The following NEDD4 variants were observed in gnomAD, a reference collection of about 807,000 sequenced individuals.
NEDD4 encodes the protein NEDD4 E3 ubiquitin protein ligase, also known as E3 ubiquitin-protein ligase NEDD4.
In NEDD4, 99 loss-of-function variants were observed where a neutral mutation model predicts 144.9. The observed-to-expected ratio is 0.68, with a 90% CI of 0.58 to 0.81. The LOEUF is 0.81. Among genes scored for constraint, NEDD4 ranks in the 30% least tolerant of loss-of-function variants. The pLI is 0.00. For synonymous variants in NEDD4, 318 were observed against 350.6 expected (o/e 0.91, Z 1.04); for missense variants, 985 against 1,065.9 (o/e 0.92, Z 1.06).
chr15:55,935,771 CG>C (rs1416125807), intron 4 of NEDD4, among the ~76,000 whole-genome samples: 1 of 145,968 alleles, frequency 6.9e-6, no homozygotes, highest in Admixed American at 7.2e-5. Context: ...CATTTGAATC[CG>C]GGAGGCAGAG....
At chr15:55,877,006 A>G (rs1661130763) in intron 5 of NEDD4, among the ~76,000 whole-genome samples, 1 of 152,094 alleles carries the variant, frequency 6.6e-6, no homozygotes, top group Admixed American at 6.6e-5. Context: ...TGCCCAGCCA[A>G]CTTCTCATTT....
At chr15:55,903,972 C>T (rs757531507) in intron 5 of NEDD4, among the ~76,000 whole-genome samples, 4 of 151,270 alleles carry the variant, frequency 2.6e-5, no homozygotes, top group Admixed American at 6.6e-5. Context: ...CCAGCCTGGC[C>T]AACACGGTGA....
At chr15:55,923,684 T>G (rs2036612322) in intron 5 of NEDD4, among the ~76,000 whole-genome samples, 1 of 149,804 alleles carries the variant, frequency 6.7e-6, no homozygotes, top group South Asian at 2.1e-4. Flanking sequence ...AGCAAGTCAG[T>G]GATAGTCTTC....
At chr15:55,917,249 C>CA in intron 5 of NEDD4, 3 of 733,040 alleles carry the variant, frequency 4.1e-6, no homozygotes. Context: ...TTTTTTCACC[C>CA]CAGCTCTACT....
At chr15:55,929,397 G>T (rs2036737004) in intron 4 of NEDD4, among the ~76,000 whole-genome samples, 1 of 152,052 alleles carries the variant, frequency 6.6e-6, no homozygotes, top group South Asian at 2.1e-4. Flanking sequence ...GATAAACTGT[G>T]TGGTATGGGT....
chr15:55,911,533 A>T (rs567900675), intron 5 of NEDD4, among the ~76,000 whole-genome samples: 64 of 149,514 alleles, frequency 4.3e-4, no homozygotes, highest in Middle Eastern at 3.4e-3. Context: ...ACTGAAAAAA[A>T]ATTTTTTTTT....
At chr15:55,985,039 G>C (rs1418835077) in intron 1 of NEDD4, among the ~76,000 whole-genome samples, 1 of 152,150 alleles carries the variant, frequency 6.6e-6, no homozygotes, top group African/African-American at 2.4e-5. Context: ...TAAATATCCT[G>C]CTCTGACTGA....
Position 55,830,547 on chromosome 15 carries a change from C to T in NEDD4, c.2567G>A (p.Gly856Asp), listed in dbSNP as rs1157715706. The change falls in exon 28 of 29, where the codon GGT becomes GAT. Residue 856 changes from glycine to aspartate, a missense_variant. Gly to Asp is a moderately conservative substitution (Grantham distance 94). Coordinates refer to ENST00000435532, the MANE Select transcript of NEDD4 (RefSeq NM_006154.4). ...AGCTCTTGGCAGCTTTTCAGGAGTA[C>T]CCCACTGTTCAACTGTAAATGACTG... ...GPQSFTVEQWGTPEKLPRAHT... is the reference protein window; with the variant it reads ...GPQSFTVEQWDTPEKLPRAHT... 1.9e-6 allele frequency: 3 copies of T among 1,614,050 alleles called. No homozygotes were observed. Among genetic ancestry groups the T allele is most frequent in the Middle Eastern group, 1.6e-4 (1 of 6,062 alleles).
rs747672661 is a variant in NEDD4 at position 55,955,309 on chromosome 15, C to A, written c.120-3720G>T. Among the ~76,000 whole-genome samples the A allele has an allele frequency of 3.9e-5, 6 of 152,178 alleles. No homozygotes were observed. The South Asian group carries it at 1.0e-3, about 26-fold the overall frequency. Reference sequence around the variant, plus strand: ...AAGTGGTGTGATTATAGGTTATAGGCATCAGCCACCATACCTGGCAGCTCT... The same window carrying A: ...AAGTGGTGTGATTATAGGTTATAGGAATCAGCCACCATACCTGGCAGCTCT... On this transcript the variant is annotated intron_variant, in intron 2 of 28. Transcript: ENST00000435532.
chr15:55,843,940 C>A (rs1332998010), intron 18 of NEDD4, among the ~76,000 whole-genome samples: 1 of 151,824 alleles, frequency 6.6e-6, no homozygotes, highest in Non-Finnish European at 1.5e-5. Context: ...TCTCATCTGG[C>A]GTATATGTGA....
chr15:55,953,144 C>A (rs1247978654), intron 2 of NEDD4, among the ~76,000 whole-genome samples: 1 of 151,876 alleles, frequency 6.6e-6, no homozygotes, highest in East Asian at 1.9e-4. Context: ...CGCACACCAC[C>A]ACGCCCGGCT....
chr15:55,955,183 G>C (rs1184942650), intron 2 of NEDD4, among the ~76,000 whole-genome samples: 2 of 151,972 alleles, frequency 1.3e-5, no homozygotes, highest in Non-Finnish European at 2.9e-5. Flanking sequence ...CACCATGCCT[G>C]ACTAATTGTT....
rs1323735880 is a variant in NEDD4, at chr15:55,828,218, G to C, written c.*1679C>G. The stretch of plus-strand genomic sequence containing the variant: ...TCAGATTTCTATCAGGTGCTAATGA[G>C]TACTCATCATGTTATACCCCAACAA... On this transcript the variant is annotated 3_prime_UTR_variant, in exon 29 of 29. Coordinates refer to ENST00000435532, the MANE Select transcript of NEDD4 (RefSeq NM_006154.4). 6.6e-6 allele frequency: 1 copy of C among 152,158 alleles called. No homozygotes were observed. The highest frequency in any genetic ancestry group is 2.4e-5 in the African/African-American group (1 of 41,430). 9.4% of individuals were successfully genotyped at this position (152,158 alleles called of 1,614,324 possible). A position where few individuals can be genotyped will look rare whatever the true frequency, so the allele number is the denominator to read the frequency against.
rs1277911652 is a variant in NEDD4, at chr15:55,842,067, G to C, written c.1705C>G (p.Leu569Val). The C allele has an allele frequency of 1.2e-6, 2 of 1,614,170 alleles. No individual in the cohort carries two copies. Among genetic ancestry groups the C allele is most frequent in the Non-Finnish European group, 1.7e-6 (2 of 1,180,020 alleles). The change falls in exon 19 of 29, where the codon CTG becomes GTG. Residue 569 changes from leucine (L) to valine (V), a missense_variant. Leu to Val is a conservative substitution (Grantham distance 32). Coordinates refer to ENST00000435532, the MANE Select transcript of NEDD4 (RefSeq NM_006154.4). ...AACTCAATCCACAGTCGAGCCTTCA[G>C]GAAGTCTGCTCTCTTGACACCCATA... is the stretch of plus-strand genomic sequence containing the variant. ...RIMGVKRADF[L>V]KARLWIEFDG...
rs1365416141 is a variant in NEDD4, at chr15:55,924,766, G to A, written c.238-67C>T. 1.4e-5 allele frequency: 20 copies of A among 1,465,336 alleles called. No homozygotes were observed. In the African/African-American group the frequency reaches 2.4e-4, roughly 17 times the overall value. The allele number at this position is 1,465,336 out of a possible 1,614,324, so 90.8% of individuals were successfully genotyped here. A position where few individuals can be genotyped will look rare whatever the true frequency, so the allele number is the denominator to read the frequency against. ...AACCCACAGATACTCAGAAATAAAT[G>A]CTTAAAGATGCTGCCATTTGGTCGG... On this transcript the variant is annotated intron_variant, in intron 4 of 28. Transcript: ENST00000435532.
intron 8 of NEDD4, among the ~76,000 whole-genome samples, chr15:55,865,949 C>A (rs571925376): frequency 6.6e-6 from 1 of 152,148 alleles, no homozygotes; most frequent in East Asian, 1.9e-4. Context: ...TCTTCTCTCT[C>A]TCAACAGGGT....
intron 7 of NEDD4, 38 bp from the exon 8 acceptor site, chr15:55,869,719 A>G: frequency 2.3e-6 from 3 of 1,306,420 alleles, no homozygotes; most frequent in Non-Finnish European, 3.2e-6. Flanking sequence ...AAACTTTAAC[A>G]CCGGGAGAAA....
chr15:55,935,803 T>A (rs535268742), intron 4 of NEDD4, among the ~76,000 whole-genome samples: 1 of 140,046 alleles, frequency 7.1e-6, no homozygotes, highest in East Asian at 2.2e-4. Flanking sequence ...GTTGAGATCG[T>A]GCCACTACAC....
chr15:55,923,659 A>AAAAATATATATAT (rs546642962), intron 5 of NEDD4, among the ~76,000 whole-genome samples: 1 of 135,268 alleles, frequency 7.4e-6, no homozygotes, highest in African/African-American at 2.8e-5. Context: ...AAAAAAAAAA[A>AAAAATATATATAT]ATATATATAT....
Sources: allele counts gnomAD v4.1 joint callset (sites outside exome capture counted in the v4.1 genomes callset), GRCh38; gene constraint gnomAD v4.1.1; transcripts MANE v1.5; gene names NCBI Gene and HGNC (gene_info 2026-07-23, HGNC 2026-07-21).